Variants in ANO6 observed in about 807,000 individuals in gnomAD.
ANO6 encodes the protein anoctamin-6.
A neutral mutation model predicts 117.5 loss-of-function variants in ANO6; 106 were observed. The ratio of observed to expected loss-of-function variants is 0.90; its 90% CI spans 0.77 to 1.06. ANO6 has a LOEUF of 1.06. ANO6 is among the 50% of genes least tolerant of loss of function. ANO6 has a pLI of 0.00. For synonymous variants in ANO6, 367 were observed against 385.1 expected (o/e 0.95, Z 0.55); for missense variants, 955 against 1,121.1 (o/e 0.85, Z 2.12).
At chr12:45,226,385 A>G (rs572734449) in intron 1 of ANO6, among the ~76,000 whole-genome samples, 14 of 151,786 alleles carry the variant, frequency 9.2e-5, no homozygotes, top group East Asian at 3.9e-4. Flanking sequence ...TTGGAATTCT[A>G]CTATTTCCCA....
chr12:45,227,155 A>G (rs1179058377), intron 1 of ANO6, among the ~76,000 whole-genome samples: 1 of 151,688 alleles, frequency 6.6e-6, no homozygotes, highest in East Asian at 1.9e-4. Context: ...TGCCTGGCTA[A>G]TTTTTTGTAT....
intron 16 of ANO6, among the ~76,000 whole-genome samples, chr12:45,413,342 A>C (rs1282666184): frequency 6.6e-6 from 1 of 152,244 alleles, no homozygotes; most frequent in Non-Finnish European, 1.5e-5. Flanking sequence ...CAGATGAGGA[A>C]TAAAATTAAG....
exon 20 of ANO6, chr12:45,440,262 CAG>C: frequency 5.9e-6 from 1 of 169,536 alleles, no homozygotes; most frequent in South Asian, 1.8e-4. Flanking sequence ...TTTTTTGAGA[CAG>C]AGTCTTACTC....
intron 2 of ANO6, among the ~76,000 whole-genome samples, chr12:45,318,667 A>C (rs1940139830): frequency 6.6e-6 from 1 of 152,082 alleles, no homozygotes; most frequent in Admixed American, 6.6e-5. Context: ...GAAGAAAGTC[A>C]TTGGTAGCTT....
chr12:45,412,095 GATT>G (rs1262932073), intron 16 of ANO6, among the ~76,000 whole-genome samples: 3 of 152,204 alleles, frequency 2.0e-5, no homozygotes, highest in African/African-American at 7.2e-5. Flanking sequence ...CATCCTTTGA[GATT>G]ATTGGAGTAA....
intron 9 of ANO6, among the ~76,000 whole-genome samples, chr12:45,371,684 G>A (rs1237693189): frequency 6.6e-6 from 1 of 152,030 alleles, no homozygotes; most frequent in Admixed American, 6.5e-5. Flanking sequence ...CAAACAGAAA[G>A]GACATCCACA....
At chr12:45,283,492 G>T (rs1426753617) in intron 1 of ANO6, among the ~76,000 whole-genome samples, 1 of 152,164 alleles carries the variant, frequency 6.6e-6, no homozygotes, top group Non-Finnish European at 1.5e-5. Context: ...TCCAGAGCTT[G>T]CCCAGTGCTT....
chr12:45,253,391 A>G (rs1422352010), intron 1 of ANO6, among the ~76,000 whole-genome samples: 1 of 152,242 alleles, frequency 6.6e-6, no homozygotes, highest in African/African-American at 2.4e-5. Context: ...AAAGTTATTC[A>G]TTGTTTTAAA....
intron 8 of ANO6, among the ~76,000 whole-genome samples, chr12:45,365,534 C>T (rs1490222313): frequency 1.3e-5 from 2 of 152,172 alleles, no homozygotes; most frequent in African/African-American, 4.8e-5. Flanking sequence ...AATGGCAAAT[C>T]CTGCGCATGG....
At chr12:45,314,974 T>C (rs1358714217) in intron 2 of ANO6, among the ~76,000 whole-genome samples, 2 of 152,022 alleles carry the variant, frequency 1.3e-5, no homozygotes, top group South Asian at 2.1e-4. Context: ...CCAGTTTGCA[T>C]TGAGCCTAGA....
chr12:45,277,368 C>T (rs1565660186), intron 1 of ANO6, among the ~76,000 whole-genome samples: 1 of 152,128 alleles, frequency 6.6e-6, no homozygotes, highest in Non-Finnish European at 1.5e-5. Context: ...TTGTAAATCT[C>T]CTCTCAGTGT....
intron 19 of ANO6, 84 bp from the exon 20 acceptor site, chr12:45,429,021 C>T: frequency 6.6e-7 from 1 of 1,516,284 alleles, no homozygotes; most frequent in Non-Finnish European, 9.0e-7. Context: ...AGATAAACTG[C>T]CATAATGACA....
intron 16 of ANO6, among the ~76,000 whole-genome samples, chr12:45,410,546 C>G (rs1190874974): frequency 6.6e-6 from 1 of 152,220 alleles, no homozygotes; most frequent in Non-Finnish European, 1.5e-5. Context: ...TTGTATTATG[C>G]ATGACACGCT....
chr12:45,397,293 A>G (rs1489542780), intron 12 of ANO6, among the ~76,000 whole-genome samples: 1 of 152,220 alleles, frequency 6.6e-6, no homozygotes, highest in African/African-American at 2.4e-5. Context: ...ATGAGATACC[A>G]TCTCACACCA....
At chr12:45,394,059 TAA>T (rs1480081551) in intron 12 of ANO6, among the ~76,000 whole-genome samples, 3 of 152,112 alleles carry the variant, frequency 2.0e-5, no homozygotes, top group South Asian at 2.1e-4. Flanking sequence ...GCAGATTGGA[TAA>T]AGAGTCAAGA....
chr12:45,252,793 A>G, intron 1 of ANO6, among the ~76,000 whole-genome samples: 1 of 152,216 alleles, frequency 6.6e-6, no homozygotes. Context: ...TACGTTTTGT[A>G]TATAATGGTT....
intron 1 of ANO6, among the ~76,000 whole-genome samples, chr12:45,285,705 G>C (rs7310046): frequency 6.7e-6 from 1 of 149,758 alleles, no homozygotes; most frequent in African/African-American, 2.5e-5. Flanking sequence ...CTCCAGCCTA[G>C]CAACAGAACA....
chr12:45,318,958 T>C (rs1940153199), intron 2 of ANO6, among the ~76,000 whole-genome samples: 1 of 152,238 alleles, frequency 6.6e-6, no homozygotes, highest in Admixed American at 6.5e-5. Flanking sequence ...TTTTTGTACA[T>C]TGATTTTGTA....
In ANO6 at chr12:45,429,676, CT is replaced by C. The variant is rs1351501403; in HGVS notation, c.*368del. On this transcript the variant is annotated 3_prime_UTR_variant, in exon 20 of 20. Transcript: ENST00000320560. ...TGTCTATTCTCAGGCGCATGATCTC[CT>C]TTATTTTTAAGCCATGTTTCATTTC... 3.9e-5 allele frequency: 44 copies of C among 1,121,820 alleles called. No homozygotes were observed. Among genetic ancestry groups the C allele is most frequent in the Non-Finnish European group, 4.7e-5 (43 of 912,918 alleles). 69.5% of individuals were successfully genotyped at this position (1,121,820 alleles called of 1,614,324 possible). A position where few individuals can be genotyped will look rare whatever the true frequency, so the allele number is the denominator to read the frequency against.
Sources: allele counts gnomAD v4.1 joint callset (sites outside exome capture counted in the v4.1 genomes callset), GRCh38; gene constraint gnomAD v4.1.1; transcripts MANE v1.5; gene names NCBI Gene and HGNC (gene_info 2026-07-23, HGNC 2026-07-21).